Variants in MYZAP observed in about 807,000 individuals in gnomAD.
MYZAP encodes GRINL1A complex locus upstream.
Under a neutral mutation model 69.4 loss-of-function variants are expected in MYZAP, and 66 were observed. The observed-to-expected ratio is 0.95, with a 90% CI of 0.78 to 1.17. The LOEUF is 1.17. Among genes scored for constraint, MYZAP ranks in the 50% most tolerant of loss-of-function variants. MYZAP has a pLI of 0.00. For missense variants in MYZAP, 611 were observed against 556.2 expected (o/e 1.10, Z -0.99); for synonymous variants, 256 against 205.9 (o/e 1.24, Z -2.09).
intron 11 of MYZAP, 39 bp from the exon 12 acceptor site, chr15:57,674,929 A>T: frequency 6.4e-7 from 1 of 1,563,678 alleles, no homozygotes; most frequent in Non-Finnish European, 8.7e-7. Flanking sequence ...GGGGGAACAT[A>T]TTTGACTTAC....
intron 11 of MYZAP, among the ~76,000 whole-genome samples, chr15:57,670,864 G>A (rs141511385): frequency 7.0e-4 from 107 of 152,044 alleles, no homozygotes; most frequent in African/African-American, 2.5e-3. Flanking sequence ...CTTTTAAAAT[G>A]TAGAAGTCTT....
chr15:57,654,002 CAAAAAAAAAAAAAA>C (rs398043344), intron 10 of MYZAP, among the ~76,000 whole-genome samples: 7 of 36,086 alleles, frequency 1.9e-4, no homozygotes, highest in South Asian at 2.1e-3. Flanking sequence ...CAAACGCTGT[CAAAAAAAAAAAAAA>C]AAAAAAAAAA....
chr15:57,648,150 A>G (rs565640008), intron 10 of MYZAP: 1 of 983,270 alleles, frequency 1.0e-6, no homozygotes, highest in East Asian at 1.1e-4. Context: ...CAATTTATCT[A>G]AAATGTCAAT....
chr15:57,643,314 C>T (rs1038977565), intron 10 of MYZAP, among the ~76,000 whole-genome samples: 1 of 152,192 alleles, frequency 6.6e-6, no homozygotes, highest in African/African-American at 2.4e-5. Flanking sequence ...ACGGATCTTA[C>T]CCACTGGTGT....
rs548745883 is a variant in MYZAP, at chr15:57,644,582, C to G, written c.1119+5037C>G. The stretch of plus-strand genomic sequence containing the variant: ...CCACTCAACCTCCCAAGTAGATCGA[C>G]TATAGGCACGTGCACCCATGCCCAG... On this transcript the variant is annotated intron_variant, in intron 10 of 12. Coordinates refer to ENST00000267853, the MANE Select transcript of MYZAP (RefSeq NM_001018100.5). 2.6e-5 allele frequency among the ~76,000 whole-genome samples: 4 copies of G among 152,246 alleles called. No homozygotes were observed. The East Asian group carries it at 7.7e-4, about 29-fold the overall frequency.
intron 10 of MYZAP, chr15:57,646,209 T>G: frequency 7.8e-7 from 1 of 1,289,376 alleles, no homozygotes; most frequent in Non-Finnish European, 1.0e-6. Flanking sequence ...TAGCCTGCTC[T>G]GGGTTGGAAG....
chr15:57,612,788 G>C (rs1160630735), intron 2 of MYZAP, among the ~76,000 whole-genome samples: 2 of 152,174 alleles, frequency 1.3e-5, no homozygotes, highest in Admixed American at 1.3e-4. Flanking sequence ...TATGGGGCCT[G>C]TAGGTAGAAT....
At chr15:57,633,135 A>G (rs890271) in intron 7 of MYZAP, among the ~76,000 whole-genome samples, 88,499 of 152,014 alleles carry the variant, frequency 0.58, 25,961 homozygotes, top group African/African-American at 0.63. Context: ...CGGGGACTCC[A>G]TGTCTGGCTC....
chr15:57,615,319 T>G (rs184468165), intron 2 of MYZAP, among the ~76,000 whole-genome samples: 1 of 152,306 alleles, frequency 6.6e-6, no homozygotes, highest in African/African-American at 2.4e-5. Context: ...AAATTTGAAA[T>G]TTATGATTTT....
intron 10 of MYZAP, among the ~76,000 whole-genome samples, chr15:57,652,370 C>T (rs1490835053): frequency 6.6e-6 from 1 of 152,118 alleles, no homozygotes; most frequent in African/African-American, 2.4e-5. Flanking sequence ...TTTCTCTATG[C>T]ATTATTTTTT....
At chr15:57,597,611 G>A (rs182365206) in intron 1 of MYZAP, among the ~76,000 whole-genome samples, 58 of 152,254 alleles carry the variant, frequency 3.8e-4, no homozygotes, top group South Asian at 1.9e-3. Flanking sequence ...GGATCTTGGC[G>A]TTTGGGGCAC....
At chr15:57,646,479 T>G in intron 10 of MYZAP, 3 of 1,028,066 alleles carry the variant, frequency 2.9e-6, no homozygotes, top group Non-Finnish European at 3.5e-6. Context: ...AAGAAGGAAC[T>G]GCAATGAAAA....
intron 10 of MYZAP, among the ~76,000 whole-genome samples, chr15:57,655,036 C>G (rs1652560531): frequency 6.6e-6 from 1 of 152,034 alleles, no homozygotes; most frequent in East Asian, 1.9e-4. Context: ...GGGTCTAGTA[C>G]AAGGGAAAAA....
chr15:57,610,814 A>G (rs749953424), intron 2 of MYZAP, among the ~76,000 whole-genome samples: 1 of 152,138 alleles, frequency 6.6e-6, no homozygotes, highest in Admixed American at 6.5e-5. Context: ...GGAGCTGGGA[A>G]TAGTGTCTGA....
intron 10 of MYZAP, among the ~76,000 whole-genome samples, chr15:57,657,721 T>G (rs144806478): frequency 3.0e-4 from 46 of 152,320 alleles, no homozygotes; most frequent in African/African-American, 9.6e-4. Flanking sequence ...TCTTTATATA[T>G]AGAGCTTTTT....
intron 10 of MYZAP, among the ~76,000 whole-genome samples, chr15:57,656,902 C>T (rs2038036823): frequency 6.6e-6 from 1 of 152,140 alleles, no homozygotes; most frequent in Non-Finnish European, 1.5e-5. Context: ...TAGAAGCTGC[C>T]GCACCCTCAA....
intron 11 of MYZAP, among the ~76,000 whole-genome samples, chr15:57,663,166 C>T (rs1001874260): frequency 4.6e-5 from 7 of 152,198 alleles, no homozygotes; most frequent in Non-Finnish European, 8.8e-5. Flanking sequence ...AGAGGAAAGA[C>T]AGACTGACAG....
chr15:57,678,931 C>A (rs2039283186), intron 12 of MYZAP, among the ~76,000 whole-genome samples: 1 of 151,898 alleles, frequency 6.6e-6, no homozygotes, highest in South Asian at 2.1e-4. Flanking sequence ...AATCCCAGTA[C>A]TTTGGGAGGC....
At chr15:57,656,000 C>T (rs1200038705) in intron 10 of MYZAP, among the ~76,000 whole-genome samples, 2 of 152,188 alleles carry the variant, frequency 1.3e-5, no homozygotes, top group Non-Finnish European at 2.9e-5. Flanking sequence ...CGTCATTTAC[C>T]ACCACCTGGT....
Sources: allele counts gnomAD v4.1 joint callset (sites outside exome capture counted in the v4.1 genomes callset), GRCh38; gene constraint gnomAD v4.1.1; transcripts MANE v1.5; gene names NCBI Gene and HGNC (gene_info 2026-07-23, HGNC 2026-07-21).